RALYL: variants seen among roughly 807,000 people sequenced by gnomAD.
RALYL encodes RALY RNA binding protein like.
In RALYL, 29 loss-of-function variants were observed where a neutral mutation model predicts 35.1. The observed-to-expected ratio is 0.83, with a 90% confidence interval of 0.61 to 1.13. RALYL has a LOEUF of 1.13. Among genes scored for constraint, RALYL ranks in the 50% most tolerant of loss-of-function variants. The probability of loss-of-function intolerance (pLI) is 0.00; values close to 1 mark genes in which losing one functional copy is unlikely to be tolerated. For missense variants in RALYL, 359 were observed against 360.4 expected, an observed-to-expected ratio of 1.00 and a Z score of 0.03; for synonymous variants, 120 against 127.6, an observed-to-expected ratio of 0.94 and a Z score of 0.40.
At chr8:84,600,239 C>G (rs1815605950) in intron 2 of RALYL, among the ~76,000 whole-genome samples, 1 of 152,098 alleles carries the variant, frequency 6.6e-6, no homozygotes, top group Admixed American at 6.6e-5. Context: ...CCCTAATACT[C>G]ATCCTCAGTT....
At chr8:84,674,655 A>G (rs968089057) in intron 2 of RALYL, among the ~76,000 whole-genome samples, 15 of 152,302 alleles carry the variant, frequency 9.8e-5, no homozygotes, top group Admixed American at 7.2e-4. Context: ...TTTTATCATT[A>G]TCTCATCAAG....
chr8:84,437,046 C>A (rs932745677), intron 1 of RALYL, among the ~76,000 whole-genome samples: 1 of 151,958 alleles, frequency 6.6e-6, no homozygotes, highest in Non-Finnish European at 1.5e-5. Context: ...TGTAGTAGTC[C>A]CAATGTTTAT....
chr8:84,611,579 AT>A (rs1198502635), intron 2 of RALYL, among the ~76,000 whole-genome samples: 1 of 152,094 alleles, frequency 6.6e-6, no homozygotes, highest in Non-Finnish European at 1.5e-5. Context: ...ATGTCTGAAT[AT>A]TTTCATCATA....
At chr8:84,781,011 A>G (rs915177061) in intron 3 of RALYL, among the ~76,000 whole-genome samples, 1 of 152,082 alleles carries the variant, frequency 6.6e-6, no homozygotes, top group African/African-American at 2.4e-5. Context: ...GGTGTGTGCC[A>G]CCATACCTGT....
At chr8:84,350,710 A>G (rs1384965983) in intron 1 of RALYL, among the ~76,000 whole-genome samples, 1 of 150,318 alleles carries the variant, frequency 6.7e-6, no homozygotes, top group Admixed American at 6.6e-5. Context: ...CAAATAAGCA[A>G]AACACAAATA....
intron 7 of RALYL, among the ~76,000 whole-genome samples, chr8:84,876,187 C>A: frequency 6.6e-6 from 1 of 152,192 alleles, no homozygotes; most frequent in East Asian, 1.9e-4. Context: ...CTCTACCCAA[C>A]ACCAGGTATT....
At chr8:84,661,631 T>A (rs985813857) in intron 2 of RALYL, among the ~76,000 whole-genome samples, 1 of 143,098 alleles carries the variant, frequency 7.0e-6, no homozygotes, top group Non-Finnish European at 1.6e-5. Context: ...TTATTTATTT[T>A]ATTTATTTTT....
intron 1 of RALYL, among the ~76,000 whole-genome samples, chr8:84,306,509 T>A (rs1841844156): frequency 6.6e-6 from 1 of 152,126 alleles, no homozygotes; most frequent in African/African-American, 2.4e-5. Flanking sequence ...CACCCATCCA[T>A]AATTACCTAC....
intron 8 of RALYL, among the ~76,000 whole-genome samples, chr8:84,914,951 G>A (rs186666264): frequency 2.0e-5 from 3 of 151,964 alleles, no homozygotes; most frequent in Admixed American, 6.6e-5. Context: ...GCTTCTTCCC[G>A]CAATTGGTCA....
intron 2 of RALYL, among the ~76,000 whole-genome samples, chr8:84,623,030 G>T: frequency 6.6e-6 from 1 of 152,166 alleles, no homozygotes; most frequent in African/African-American, 2.4e-5. Flanking sequence ...CAAGATCCTT[G>T]TGACTGAAAG....
At chr8:84,567,240 A>G (rs2061842343) in intron 2 of RALYL, among the ~76,000 whole-genome samples, 1 of 151,802 alleles carries the variant, frequency 6.6e-6, no homozygotes, top group Admixed American at 6.6e-5. Context: ...AATTTTAGAC[A>G]GCATGTCTAA....
intron 1 of RALYL, among the ~76,000 whole-genome samples, chr8:84,425,005 TTGTCTGTG>T (rs2046186709): frequency 6.6e-6 from 1 of 152,078 alleles, no homozygotes; most frequent in Non-Finnish European, 1.5e-5. Flanking sequence ...GTCTTTTTGT[TTGTCTGTG>T]CCCTGCCCCC....
intron 2 of RALYL, among the ~76,000 whole-genome samples, chr8:84,699,387 A>G (rs981816392): frequency 1.3e-5 from 2 of 152,120 alleles, no homozygotes; most frequent in Non-Finnish European, 2.9e-5. Context: ...ATAAAATGCC[A>G]TACATTGGGT....
At chr8:84,368,982 A>G (rs890892903) in intron 1 of RALYL, among the ~76,000 whole-genome samples, 1 of 152,206 alleles carries the variant, frequency 6.6e-6, no homozygotes, top group African/African-American at 2.4e-5. Flanking sequence ...TTTCCATCGC[A>G]TGAATTAGGA....
At position 84,729,179 on chromosome 8, in the gene RALYL, G is replaced by A. The variant is rs76360969; in HGVS notation, c.257-45400G>A. Among the ~76,000 whole-genome samples the A allele has an allele frequency of 3.9e-3, 595 of 152,158 alleles. 8 individuals carry two copies. In the East Asian group the frequency reaches 0.047, roughly 12 times the overall value. Reference sequence around the variant, plus strand: ...GCAGTGGTTTGTAGTTCTCCTTGAAGAGGTCCTTCACATCCCTTGTAAGTT... The same window carrying A: ...GCAGTGGTTTGTAGTTCTCCTTGAAAAGGTCCTTCACATCCCTTGTAAGTT... On this transcript the variant is annotated intron_variant, in intron 2 of 8. Transcript: ENST00000521268.
At chr8:84,668,463 CA>C (rs1481582471) in intron 2 of RALYL, among the ~76,000 whole-genome samples, 1 of 152,050 alleles carries the variant, frequency 6.6e-6, no homozygotes, top group Non-Finnish European at 1.5e-5. Context: ...GACAAAGACA[CA>C]GTGATTTAAA....
chr8:84,812,404 G>T (rs111847891), intron 4 of RALYL, among the ~76,000 whole-genome samples: 22 of 152,200 alleles, frequency 1.4e-4, no homozygotes, highest in African/African-American at 5.3e-4. Flanking sequence ...TGTGCGGGTT[G>T]GCCTTCTGCT....
chr8:84,302,049 T>G lies in RALYL; in HGVS notation c.-24+117625T>G, dbSNP rs78188583. On this transcript the variant is annotated intron_variant, in intron 1 of 8. Transcript: ENST00000521268. ...CTTTACAGAATTATCATTTAGCCTTTTGGAGTATTAACCAATGCAATAATA... is the reference window on the plus strand; with the variant it reads ...CTTTACAGAATTATCATTTAGCCTTGTGGAGTATTAACCAATGCAATAATA... Among the ~76,000 whole-genome samples, 2,593 of 152,280 alleles carry G rather than the reference T, an allele frequency of 0.017. 177 individuals carry two copies. The East Asian group carries it at 0.24, about 14-fold the overall frequency.
At chr8:84,663,734 T>C (rs1455759956) in intron 2 of RALYL, among the ~76,000 whole-genome samples, 1 of 152,168 alleles carries the variant, frequency 6.6e-6, no homozygotes, top group Admixed American at 6.5e-5. Context: ...GTCTGATGGG[T>C]AGATTGCAAA....
Sources: allele counts gnomAD v4.1 joint callset (sites outside exome capture counted in the v4.1 genomes callset), GRCh38; gene constraint gnomAD v4.1.1; transcripts MANE v1.5; gene names NCBI Gene and HGNC (gene_info 2026-07-23, HGNC 2026-07-21).